XRRA1: variants seen among roughly 807,000 people sequenced by gnomAD.
XRRA1 encodes X-ray radiation resistance associated 1, also known as X-ray radiation resistance-associated protein 1.
In XRRA1, 69 loss-of-function variants were observed where a neutral mutation model predicts 80.2. The observed-to-expected ratio is 0.86, with a 90% CI of 0.71 to 1.05. The LOEUF is 1.05. Ranked by LOEUF, XRRA1 falls within the 50% of genes least tolerant of loss-of-function variation. XRRA1 has a pLI of 0.00. For synonymous variants in XRRA1, 348 were observed against 389.9 expected, an observed-to-expected ratio of 0.89 and a Z score of 1.27; for missense variants, 967 against 976.4, an observed-to-expected ratio of 0.99 and a Z score of 0.13.
Position 74,841,859 on chromosome 11 carries a change from C to A in XRRA1, c.*1341G>T, listed in dbSNP as rs2036595370. The A allele has an allele frequency of 6.6e-6, 1 of 152,250 alleles. No homozygotes were observed. The highest frequency in any genetic ancestry group is 2.1e-4 in the South Asian group (1 of 4,836). The allele number at this position is 152,250 out of a possible 1,614,324, so 9.4% of individuals were successfully genotyped here. A position where few individuals can be genotyped will look rare whatever the true frequency, so the allele number is the denominator to read the frequency against. Reference sequence around the variant, plus strand: ...GCCCCTTCTTGGGGCCACCACCCTCCAAAGCTGTGCCACCAATGAGAGCAT... The same window carrying A: ...GCCCCTTCTTGGGGCCACCACCCTCAAAAGCTGTGCCACCAATGAGAGCAT... On this transcript the variant is annotated 3_prime_UTR_variant, in exon 19 of 19. Transcript: ENST00000684022.
At chr11:74,911,129 G>T in intron 8 of XRRA1, 1 of 152,344 alleles carries the variant, frequency 6.6e-6, no homozygotes. Flanking sequence ...TGGATGACTG[G>T]GGAGCACCAA....
intron 6 of XRRA1, among the ~76,000 whole-genome samples, chr11:74,929,792 T>G (rs1943087251): frequency 6.6e-6 from 1 of 152,196 alleles, no homozygotes; most frequent in South Asian, 2.1e-4. Flanking sequence ...GATTCTCTCT[T>G]TCACTGCTCT....
At chr11:74,908,939 G>T (rs977295021) in intron 8 of XRRA1, among the ~76,000 whole-genome samples, 2 of 152,214 alleles carry the variant, frequency 1.3e-5, no homozygotes, top group Non-Finnish European at 2.9e-5. Context: ...AAAGAAAAAT[G>T]TGGCAAGTCA....
At chr11:74,942,122 G>A (rs1196875197) in intron 2 of XRRA1, among the ~76,000 whole-genome samples, 1 of 151,802 alleles carries the variant, frequency 6.6e-6, no homozygotes, top group African/African-American at 2.4e-5. Flanking sequence ...GTGGACAAAG[G>A]AGGAGAAGCC....
At chr11:74,883,209 CGTG>C (rs2048149521) in intron 10 of XRRA1, among the ~76,000 whole-genome samples, 1 of 152,226 alleles carries the variant, frequency 6.6e-6, no homozygotes, top group Non-Finnish European at 1.5e-5. Flanking sequence ...GATATAATCT[CGTG>C]GTGTGCCGTT....
chr11:74,933,666 C>T, intron 5 of XRRA1, 135 bp downstream of exon 5: 1 of 690,750 alleles, frequency 1.4e-6, no homozygotes, highest in South Asian at 1.9e-5. Context: ...TTGTCTGACT[C>T]TCCTCTCCCT....
chr11:74,893,083 G>C (rs1164599058), intron 10 of XRRA1, among the ~76,000 whole-genome samples: 2 of 152,178 alleles, frequency 1.3e-5, no homozygotes, highest in Admixed American at 1.3e-4. Flanking sequence ...TATAAGTCAT[G>C]CTGCTGTAAA....
In XRRA1 at chr11:74,843,437, C is replaced by G. The variant is rs2036949783; in HGVS notation, c.2166G>C (p.Gln722His). 1 of 1,612,326 alleles carries G rather than the reference C, an allele frequency of 6.2e-7. No individual in the cohort carries two copies. The highest frequency in any genetic ancestry group is 8.5e-7 in the Non-Finnish European group (1 of 1,179,336). The part of the protein sequence containing the change: ...TEAPLGAVLH[Q>H]WTERRLVNHK... ...GGTTCACCAGCCGCCGTTCTGTCCA[C>G]TGGTGCAGGACAGCACCTGCAGGAA... The change falls in exon 19 of 19, where the codon CAG (glutamine) becomes CAC (histidine). Residue 722 changes from glutamine to histidine, a missense_variant. Coordinates refer to ENST00000684022, the MANE Select transcript of XRRA1 (RefSeq NM_001378157.1).
chr11:74,936,741 C>G (rs759626194), intron 4 of XRRA1, 143 bp downstream of exon 4: 21 of 1,081,996 alleles, frequency 1.9e-5, no homozygotes, highest in Non-Finnish European at 2.6e-5. Context: ...CCTTCATTAT[C>G]CTGGCTGTAC....
At chr11:74,892,997 G>A (rs1230618644) in intron 10 of XRRA1, among the ~76,000 whole-genome samples, 3 of 152,180 alleles carry the variant, frequency 2.0e-5, no homozygotes, top group African/African-American at 7.2e-5. Flanking sequence ...AGTCAGTGTG[G>A]CAATTCCTCA....
intron 12 of XRRA1, among the ~76,000 whole-genome samples, chr11:74,852,324 A>C (rs888912542): frequency 6.6e-6 from 1 of 152,190 alleles, no homozygotes; most frequent in Non-Finnish European, 1.5e-5. Flanking sequence ...TGCGTGTTTA[A>C]GAGCTAAGAG....
At chr11:74,897,304 G>T (rs1218252796) in intron 10 of XRRA1, among the ~76,000 whole-genome samples, 1 of 151,758 alleles carries the variant, frequency 6.6e-6, no homozygotes, top group Non-Finnish European at 1.5e-5. Flanking sequence ...CAGACTATTT[G>T]AAAATACCAG....
At chr11:74,939,528 C>T (rs570558605) in intron 3 of XRRA1, among the ~76,000 whole-genome samples, 1 of 152,308 alleles carries the variant, frequency 6.6e-6, no homozygotes, top group South Asian at 2.1e-4. Flanking sequence ...TCAGCTGCGT[C>T]CTTTCAACAT....
Position 74,863,035 on chromosome 11 carries a change from G to C in XRRA1, c.1004-14C>G. 1 of 1,597,674 alleles carries C rather than the reference G, an allele frequency of 6.3e-7. No homozygotes were observed. On this transcript the variant is annotated splice_polypyrimidine_tract_variant and intron_variant, in intron 10 of 18. Coordinates refer to ENST00000684022, the MANE Select transcript of XRRA1 (RefSeq NM_001378157.1). ...AAAACACAACCTCTGAAACAGAAGA[G>C]AAACAGAATGAAGGTTGGTGAGACC...
At chr11:74,849,141 C>G (rs1489412611) in intron 14 of XRRA1, among the ~76,000 whole-genome samples, 1 of 152,192 alleles carries the variant, frequency 6.6e-6, no homozygotes, top group Non-Finnish European at 1.5e-5. Context: ...TTTCTTTCTC[C>G]CCCTTTACAT....
At chr11:74,930,023 G>C (rs985537651) in intron 6 of XRRA1, among the ~76,000 whole-genome samples, 1 of 152,172 alleles carries the variant, frequency 6.6e-6, no homozygotes, top group African/African-American at 2.4e-5. Flanking sequence ...CATCTCATAT[G>C]AGCCTGCAAG....
At chr11:74,860,487 G>A (rs1399373648) in intron 11 of XRRA1, among the ~76,000 whole-genome samples, 1 of 152,242 alleles carries the variant, frequency 6.6e-6, no homozygotes, top group African/African-American at 2.4e-5. Context: ...CCCTGATGGG[G>A]GCAGAGAGGG....
In XRRA1 at chr11:74,924,560, G is replaced by A. The variant is rs572003578; in HGVS notation, c.522+2831C>T. Among the ~76,000 whole-genome samples the A allele has an allele frequency of 1.6e-4, 25 of 152,284 alleles. No individual in the cohort carries two copies. In the East Asian group the frequency reaches 4.6e-3, roughly 28 times the overall value. On this transcript the variant is annotated intron_variant, in intron 7 of 18. Transcript: ENST00000684022. ...AGTGTCATGAAGTTTTAGGCTGGGC[G>A]TGGTGGCTCACGCCTGTAATCCCAG...
intron 16 of XRRA1, 140 bp downstream of exon 16, chr11:74,844,933 G>A: frequency 1.3e-6 from 1 of 788,728 alleles, no homozygotes; most frequent in Non-Finnish European, 2.0e-6. Flanking sequence ...CCTAAAAGGA[G>A]CCCTTTGACA....
Sources: allele counts gnomAD v4.1 joint callset (sites outside exome capture counted in the v4.1 genomes callset), GRCh38; gene constraint gnomAD v4.1.1; transcripts MANE v1.5; gene names NCBI Gene and HGNC (gene_info 2026-07-23, HGNC 2026-07-21).